Variants in CAPN1 observed in about 807,000 individuals in gnomAD.
CAPN1 encodes calpain 1.
CAPN1 carries 77 observed loss-of-function variants against 105.2 expected under a neutral mutation model. That is an observed-to-expected ratio of 0.73 (90% CI 0.61 to 0.88). The LOEUF (loss-of-function observed/expected upper bound fraction) is 0.88, where lower values mean the gene tolerates loss of function less well. CAPN1 is among the 40% of genes least tolerant of loss of function. The probability of loss-of-function intolerance (pLI) is 0.00; values close to 1 mark genes in which losing one functional copy is unlikely to be tolerated. For synonymous variants in CAPN1, 355 were observed against 388.8 expected (o/e 0.91, Z 1.02); for missense variants, 833 against 976.6 (o/e 0.85, Z 1.96).
chr11:65,197,378 C>T (rs776415283), intron 10 of CAPN1, among the ~76,000 whole-genome samples: 2 of 152,154 alleles, frequency 1.3e-5, no homozygotes, highest in Non-Finnish European at 2.9e-5. Flanking sequence ...GTGAATTAAA[C>T]ATTTTTTAAA....
At chr11:65,181,591 G>A, upstream of CAPN1, 1 of 415,620 alleles carries the variant, frequency 2.4e-6, no homozygotes, top group South Asian at 1.7e-5. This position sits in a 1 kb window ranked among gnomAD's most constrained non-coding sequence, Gnocchi z 4.6. Flanking sequence ...TGCAACTCGA[G>A]CTGCTGCCCC....
intron 10 of CAPN1, among the ~76,000 whole-genome samples, chr11:65,192,607 A>G (rs2137339812): frequency 6.7e-6 from 1 of 149,638 alleles, no homozygotes; most frequent in East Asian, 2.0e-4. Flanking sequence ...GATGAGTTGT[A>G]TTTTCTTTTG....
intron 12 of CAPN1, 166 bp from the exon 13 acceptor site, chr11:65,206,297 C>T: frequency 3.3e-6 from 2 of 614,962 alleles, no homozygotes; most frequent in Non-Finnish European, 5.8e-6. Flanking sequence ...GATGAGGAAA[C>T]TGAGGCAAAA....
At position 65,209,114 on chromosome 11, in the gene CAPN1, T is replaced by C; in HGVS notation, c.1730-209T>C. 1.7e-6 allele frequency: 1 copy of C among 596,656 alleles called. No individual in the cohort carries two copies. The highest frequency in any genetic ancestry group is 2.0e-5 in the South Asian group (1 of 50,806). 37.0% of individuals were successfully genotyped at this position (596,656 alleles called of 1,614,324 possible). A position where few individuals can be genotyped will look rare whatever the true frequency, so the allele number is the denominator to read the frequency against. On this transcript the variant is annotated intron_variant, in intron 16 of 21. Transcript: ENST00000279247. This position sits in a 1 kb window ranked among gnomAD's most constrained non-coding sequence, Gnocchi z 4.1. Reference sequence around the variant, plus strand: ...CTCATTTCTTTTTACTTTGGACTAATTGTGGCTGTTGGGACTTTGGCTTGA... The same window carrying C: ...CTCATTTCTTTTTACTTTGGACTAACTGTGGCTGTTGGGACTTTGGCTTGA...
intron 10 of CAPN1, among the ~76,000 whole-genome samples, chr11:65,189,011 C>A (rs2137328725): frequency 6.6e-6 from 1 of 152,098 alleles, no homozygotes; most frequent in South Asian, 2.1e-4. Flanking sequence ...TTTCCTGGGC[C>A]CTTCCCTCCT....
intron 10 of CAPN1, among the ~76,000 whole-genome samples, chr11:65,200,203 C>T (rs1466940116): frequency 6.6e-6 from 1 of 152,094 alleles, no homozygotes; most frequent in African/African-American, 2.4e-5. Flanking sequence ...GCACACACCA[C>T]CATGCCCAGC....
Position 65,188,540 on chromosome 11 carries a change from C to T in CAPN1, c.1005-46C>T. Reference sequence around the variant, plus strand: ...ACCTCTCCACCCCTACACATCAGCTCTGTGCCCTGACGGGCTGTGCCTCAC... The same window carrying T: ...ACCTCTCCACCCCTACACATCAGCTTTGTGCCCTGACGGGCTGTGCCTCAC... On this transcript the variant is annotated intron_variant, in intron 9 of 21. Transcript: ENST00000279247. This position sits in a 1 kb window ranked among gnomAD's most constrained non-coding sequence, Gnocchi z 5.5. The T allele has an allele frequency of 6.2e-7, 1 of 1,613,576 alleles. No individual in the cohort carries two copies. The highest frequency in any genetic ancestry group is 8.5e-7 in the Non-Finnish European group (1 of 1,179,570).
chr11:65,187,899 A>G (rs1258788864), intron 7 of CAPN1, 56 bp from the exon 8 acceptor site: 32 of 591,102 alleles, frequency 5.4e-5, no homozygotes, highest in Non-Finnish European at 7.1e-5. Context: ...CTCAAAAAAG[A>G]AAAAAAAAAA....
At chr11:65,187,353 C>A in intron 7 of CAPN1, 55 bp downstream of exon 7, 2 of 1,246,186 alleles carry the variant, frequency 1.6e-6, no homozygotes, top group Non-Finnish European at 2.3e-6. Context: ...CCTGGCCTGT[C>A]CTTGCCTCTC....
At chr11:65,184,386 C>A (rs938703331) in intron 4 of CAPN1, among the ~76,000 whole-genome samples, 2 of 152,172 alleles carry the variant, frequency 1.3e-5, no homozygotes, top group African/African-American at 4.8e-5. Flanking sequence ...CCTCGCTCCT[C>A]CAATCCGCTC....
At chr11:65,207,102 C>T (rs1348607268) in intron 14 of CAPN1, among the ~76,000 whole-genome samples, 1 of 152,206 alleles carries the variant, frequency 6.6e-6, no homozygotes, top group South Asian at 2.1e-4. Flanking sequence ...CAACCCTGTC[C>T]GGGTCTTGTT....
rs1948553404 is a variant in CAPN1 at position 65,182,492 on chromosome 11, G to T, written c.-1-209G>T. The T allele has an allele frequency of 7.3e-6, 4 of 550,088 alleles. No homozygotes were observed. The East Asian group carries it at 1.2e-4, about 16-fold the overall frequency. The allele number at this position is 550,088 out of a possible 1,614,324, so 34.1% of individuals were successfully genotyped here. ...CCGGGAAAGGAGAGGTGGCCGGCAC[G>T]CCTGGGAACTGGGAAATCCCTTTCC... On this transcript the variant is annotated intron_variant, in intron 1 of 21. Coordinates refer to ENST00000279247, the MANE Select transcript of CAPN1 (RefSeq NM_005186.4).
At chr11:65,204,645 G>A (rs761823972) in intron 10 of CAPN1, 38 bp from the exon 11 acceptor site, 6 of 1,592,296 alleles carry the variant, frequency 3.8e-6, no homozygotes, top group Admixed American at 1.7e-5. Flanking sequence ...GCTCTGCCCC[G>A]CCCTGCCTCT....
Position 65,188,825 on chromosome 11 carries a change from G to A in CAPN1, c.1165+79G>A, listed in dbSNP as rs1565396841. 4 of 1,200,784 alleles carry A rather than the reference G, an allele frequency of 3.3e-6. No individual in the cohort carries two copies. Among genetic ancestry groups the A allele is most frequent in the Non-Finnish European group, 4.7e-6 (4 of 852,328 alleles). The allele number at this position is 1,200,784 out of a possible 1,614,324, so 74.4% of individuals were successfully genotyped here. On this transcript the variant is annotated intron_variant, in intron 10 of 21. Coordinates refer to ENST00000279247, the MANE Select transcript of CAPN1 (RefSeq NM_005186.4). The surrounding 1 kb of genome is among the most constrained non-coding windows in gnomAD (Gnocchi z 5.5). ...AGGCACGTCATCTTACTGAGCCTCC[G>A]TTTCCTCACTTGCAAGATATAGGCT...
chr11:65,195,414 C>A (rs1405587361), intron 10 of CAPN1, among the ~76,000 whole-genome samples: 1 of 152,134 alleles, frequency 6.6e-6, no homozygotes, highest in Admixed American at 6.5e-5. Context: ...GTGTTAGCCA[C>A]CGCGCCCGGC....
intron 10 of CAPN1, chr11:65,203,509 G>A: frequency 6.6e-6 from 1 of 152,444 alleles, no homozygotes. Context: ...ACAGGCATGG[G>A]CCACCATGCC....
chr11:65,208,000 C>A lies in CAPN1; in HGVS notation c.1606-55C>A, dbSNP rs1948987061. 2.1e-6 allele frequency: 3 copies of A among 1,418,884 alleles called. No homozygotes were observed. In the African/African-American group the frequency reaches 4.3e-5, roughly 20 times the overall value. 87.9% of individuals were successfully genotyped at this position (1,418,884 alleles called of 1,614,324 possible). On this transcript the variant is annotated intron_variant, in intron 14 of 21. Coordinates refer to ENST00000279247, the MANE Select transcript of CAPN1 (RefSeq NM_005186.4). The stretch of plus-strand genomic sequence containing the variant: ...ACCTCAGCCCTCCCTCCAGCTGCCT[C>A]CACACGGGCAGGGCCGGGGCCTCTC...
upstream of CAPN1, chr11:65,181,806 C>T (rs1396918403): frequency 9.7e-6 from 2 of 207,004 alleles, no homozygotes; most frequent in African/African-American, 2.4e-5. This position sits in a 1 kb window ranked among gnomAD's most constrained non-coding sequence, Gnocchi z 4.6. Flanking sequence ...AGTCAGAGAC[C>T]GTGCCGGAGA....
rs1949015504 is a variant in CAPN1, at chr11:65,209,725, C to T, written c.1795-124C>T. The T allele has an allele frequency of 3.3e-6, 3 of 916,030 alleles. No individual in the cohort carries two copies. In the South Asian group the frequency reaches 4.7e-5, roughly 14 times the overall value. 56.7% of individuals were successfully genotyped at this position (916,030 alleles called of 1,614,324 possible). On this transcript the variant is annotated intron_variant, in intron 17 of 21. Coordinates refer to ENST00000279247, the MANE Select transcript of CAPN1 (RefSeq NM_005186.4). The surrounding 1 kb of genome is among the most constrained non-coding windows in gnomAD (Gnocchi z 4.1). The stretch of plus-strand genomic sequence containing the variant: ...GTGGGCTGACTGTACATGGCTTTTG[C>T]TGCTTCTCCTCACCCAGCCCCAAGT...
Sources: gnomAD v4.1 joint callset for allele counts (sites outside exome capture counted in the v4.1 genomes callset) on GRCh38, gnomAD v4.1.1 for gene constraint, Gnocchi (gnomAD v3.1) non-coding constraint, MANE v1.5 for transcripts, NCBI Gene and HGNC (gene_info 2026-07-23, HGNC 2026-07-21) for gene names.